ELAVL2: variants seen among roughly 807,000 people sequenced by gnomAD.
ELAVL2 encodes ELAV-like protein 2.
ELAVL2 carries 4 observed loss-of-function variants against 34.6 expected under a neutral mutation model. The observed-to-expected ratio is 0.12, with a 90% CI of 0.06 to 0.26. The LOEUF is 0.26. Ranked by LOEUF, ELAVL2 falls within the 10% of genes least tolerant of loss-of-function variation. The pLI, the probability that ELAVL2 is intolerant of heterozygous loss-of-function variation, is 1.00. For missense variants in ELAVL2, 432 were observed against 442.8 expected, an observed-to-expected ratio of 0.98 and a Z score of 0.22; for synonymous variants, 193 against 154.8, an observed-to-expected ratio of 1.25 and a Z score of -1.83.
intron 1 of ELAVL2, among the ~76,000 whole-genome samples, chr9:23,768,139 A>C (rs1357457767): frequency 1.3e-5 from 2 of 152,204 alleles, no homozygotes; most frequent in Non-Finnish European, 2.9e-5. Flanking sequence ...GCTGCCTATC[A>C]AATGAAGTGT....
Position 23,774,213 on chromosome 9 carries a change from C to CA in ELAVL2, c.-15-11965dup, listed in dbSNP as rs57247631. On this transcript the variant is annotated intron_variant, in intron 1 of 6. Transcript: ENST00000397312. ...GGCAAAAGTGCGAGAGACTCCATCT[C>CA]AAAAAAAAAAAAAAAAAAAAAAAAA... 8.4e-3 allele frequency among the ~76,000 whole-genome samples: 514 copies of CA among 61,284 alleles called. 4 individuals carry two copies. Among genetic ancestry groups the CA allele is most frequent in the African/African-American group, 0.014 (216 of 15,548 alleles). The allele number at this position is 61,284 out of a possible 152,430, so 40.2% of individuals were successfully genotyped here. A position where few individuals can be genotyped will look rare whatever the true frequency, so the allele number is the denominator to read the frequency against.
intron 2 of ELAVL2, among the ~76,000 whole-genome samples, chr9:23,742,720 A>G (rs1413243682): frequency 6.6e-6 from 1 of 152,216 alleles, no homozygotes; most frequent in Non-Finnish European, 1.5e-5. Context: ...AAATTTCCAA[A>G]GGACATCCAT....
intron 3 of ELAVL2, among the ~76,000 whole-genome samples, chr9:23,727,643 C>A (rs542779457): frequency 6.6e-6 from 1 of 151,990 alleles, no homozygotes; most frequent in African/African-American, 2.4e-5. Flanking sequence ...GGACAGGGAT[C>A]GAGTAGATCT....
rs952392578 is a variant in ELAVL2, at chr9:23,753,590, A to T, written c.229+8416T>A. 3.9e-5 allele frequency among the ~76,000 whole-genome samples: 6 copies of T among 151,928 alleles called. No individual in the cohort carries two copies. The South Asian group carries it at 1.2e-3, about 32-fold the overall frequency. On this transcript the variant is annotated intron_variant, in intron 2 of 6. Coordinates refer to ENST00000397312, the MANE Select transcript of ELAVL2 (RefSeq NM_004432.5). ...AGAATTTTAAAATTCTATAAACTAC[A>T]AAAAAAAGAAGCAACAAGTTCATAT... is the stretch of plus-strand genomic sequence containing the variant.
rs57292061 is a variant in ELAVL2, at chr9:23,786,781, C to CA, written c.-15-24533dup. 5.3e-3 allele frequency among the ~76,000 whole-genome samples: 577 copies of CA among 107,920 alleles called. 4 individuals carry two copies. Among genetic ancestry groups the CA allele is most frequent in the Non-Finnish European group, 7.2e-3 (377 of 52,168 alleles). 70.8% of individuals were successfully genotyped at this position (107,920 alleles called of 152,430 possible). A position where few individuals can be genotyped will look rare whatever the true frequency, so the allele number is the denominator to read the frequency against. On this transcript the variant is annotated intron_variant, in intron 1 of 6. Transcript: ENST00000397312. ...TAGTCTCAGTAACAGATTTTAGTGG[C>CA]AAAAAAAAAAAAAAAAAAAAAAGAG...
At chr9:23,797,240 TA>T (rs1395360547) in intron 1 of ELAVL2, among the ~76,000 whole-genome samples, 2 of 152,254 alleles carry the variant, frequency 1.3e-5, no homozygotes, top group Admixed American at 6.5e-5. Flanking sequence ...ATCCTCTGTT[TA>T]AAAGAAAAAC....
At chr9:23,708,551 T>A (rs542085093) in intron 3 of ELAVL2, among the ~76,000 whole-genome samples, 197 of 152,232 alleles carry the variant, frequency 1.3e-3, no homozygotes, top group East Asian at 7.7e-4. Context: ...TGGGAAAAAT[T>A]AAATGAATCC....
chr9:23,693,348 C>A, intron 6 of ELAVL2, 100 bp downstream of exon 6: 2 of 1,451,158 alleles, frequency 1.4e-6, no homozygotes, highest in Non-Finnish European at 1.9e-6. Context: ...AAAATAAAAC[C>A]CAACAAAAAC....
intron 2 of ELAVL2, among the ~76,000 whole-genome samples, chr9:23,753,560 G>T (rs1485652897): frequency 1.3e-5 from 2 of 152,016 alleles, no homozygotes; most frequent in Non-Finnish European, 2.9e-5. Flanking sequence ...TCATACCAAA[G>T]AAACAGAATT....
intron 2 of ELAVL2, among the ~76,000 whole-genome samples, chr9:23,748,808 C>T (rs1425218793): frequency 6.6e-6 from 1 of 152,046 alleles, no homozygotes; most frequent in African/African-American, 2.4e-5. Context: ...ACAGAAGAGT[C>T]TACAGCCCAA....
chr9:23,843,404 A>C, the ELAVL2 span, among the ~76,000 whole-genome samples: 3 of 152,016 alleles, frequency 2.0e-5, no homozygotes, highest in Non-Finnish European at 2.9e-5. Context: ...AGTACTAATC[A>C]CTCTGAAGTG....
At chr9:23,788,605 T>C (rs1482286355) in intron 1 of ELAVL2, among the ~76,000 whole-genome samples, 1 of 152,184 alleles carries the variant, frequency 6.6e-6, no homozygotes, top group East Asian at 1.9e-4. Flanking sequence ...TTTAGTTTTC[T>C]TTAAGTCGAG....
intron 1 of ELAVL2, among the ~76,000 whole-genome samples, chr9:23,788,298 T>G (rs1190773315): frequency 1.3e-5 from 2 of 152,190 alleles, no homozygotes; most frequent in Non-Finnish European, 2.9e-5. Flanking sequence ...CTTCTAGCAT[T>G]TGCCATCCTA....
At chr9:23,814,756 A>G (rs941792519) in intron 1 of ELAVL2, among the ~76,000 whole-genome samples, 11 of 152,194 alleles carry the variant, frequency 7.2e-5, no homozygotes, top group Admixed American at 2.6e-4. Flanking sequence ...ATAAAGGTGG[A>G]TGACCCCCTC....
chr9:23,694,073 C>T (rs1288088453), intron 5 of ELAVL2, among the ~76,000 whole-genome samples: 2 of 152,142 alleles, frequency 1.3e-5, no homozygotes, highest in Admixed American at 6.5e-5. Context: ...AGCTAACCCT[C>T]CCATTTCTCA....
chr9:23,761,393 A>T (rs982943016), intron 2 of ELAVL2, among the ~76,000 whole-genome samples: 2 of 152,070 alleles, frequency 1.3e-5, no homozygotes, highest in Non-Finnish European at 2.9e-5. Flanking sequence ...CTTAAAAAAT[A>T]CTAAGGAGAT....
chr9:23,701,751 T>C (rs1309133670), intron 4 of ELAVL2, 147 bp from the exon 5 acceptor site: 2 of 899,918 alleles, frequency 2.2e-6, no homozygotes, highest in Admixed American at 2.8e-5. Flanking sequence ...AGGAGGAAAC[T>C]TTCCCCTTTA....
At chr9:23,734,465 T>C (rs576527626) in intron 2 of ELAVL2, among the ~76,000 whole-genome samples, 1 of 152,202 alleles carries the variant, frequency 6.6e-6, no homozygotes, top group African/African-American at 2.4e-5. Context: ...AAGTCAGGAC[T>C]TGAAGTCAGG....
rs946511000 is a variant in ELAVL2, at chr9:23,801,047, G to A, written c.-16+24759C>T. ...TACAAATTAAGGCTAATTGTGAACT[G>A]TACAGCAACTGTCCTTCGTCTTCCA... On this transcript the variant is annotated intron_variant, in intron 1 of 6. Coordinates refer to ENST00000397312, the MANE Select transcript of ELAVL2 (RefSeq NM_004432.5). Among the ~76,000 whole-genome samples, 9 of 152,258 alleles carry A rather than the reference G, an allele frequency of 5.9e-5. No individual in the cohort carries two copies. In the South Asian group the frequency reaches 1.2e-3, roughly 21 times the overall value.
Sources: gnomAD v4.1 joint callset for allele counts (sites outside exome capture counted in the v4.1 genomes callset) on GRCh38, gnomAD v4.1.1 for gene constraint, MANE v1.5 for transcripts, NCBI Gene and HGNC (gene_info 2026-07-23, HGNC 2026-07-21) for gene names.